The following TENT5B variants were observed in gnomAD, a reference collection of about 807,000 sequenced individuals.
TENT5B encodes the protein family with sequence similarity 46 member B.
Under a neutral mutation model 21.7 loss-of-function variants are expected in TENT5B, and 12 were observed. The ratio of observed to expected loss-of-function variants is 0.55; its 90% CI spans 0.36 to 0.90. TENT5B has a LOEUF of 0.90. Ranked by LOEUF, TENT5B falls within the 40% of genes least tolerant of loss-of-function variation. TENT5B has a pLI of 0.01. For synonymous variants in TENT5B, 262 were observed against 266.6 expected (o/e 0.98, Z 0.17); for missense variants, 540 against 601.5 (o/e 0.90, Z 1.07).
chr1:27,007,059 C>T, intron 1 of TENT5B, 102 bp from the exon 2 acceptor site: 3 of 953,674 alleles, frequency 3.1e-6, no homozygotes, highest in Non-Finnish European at 4.3e-6. Flanking sequence ...CTATTGGCCC[C>T]TAACCAGCTG....
Position 27,012,534 on chromosome 1 carries a change from C to A in TENT5B, c.137G>T (p.Gly46Val). The A allele has an allele frequency of 6.2e-7, 1 of 1,601,832 alleles. No homozygotes were observed. Residue 46 changes from glycine to valine, a missense_variant, in exon 1 of 2, where the codon GGA (glycine) becomes GTA (valine). Transcript: ENST00000289166. ...PDPEALSAFP[G>V]RHLSGLSWPQ... ...CCAGCTCAGCCCACTCAGGTGCCGT[C>A]CGGGGAAGGCCGATAAGGCCTCCGG... is the stretch of plus-strand genomic sequence containing the variant.
In TENT5B at chr1:27,005,814, C is replaced by G; in HGVS notation, c.*130G>C. 7.7e-7 allele frequency: 1 copy of G among 1,304,376 alleles called. No individual in the cohort carries two copies. The highest frequency in any genetic ancestry group is 2.5e-5 in the East Asian group (1 of 40,306). 80.8% of individuals were successfully genotyped at this position (1,304,376 alleles called of 1,614,324 possible). Reference sequence around the variant, plus strand: ...CTCGGGAAAGTCTGGTCTGTTCAATCAAAGGCCCAACCCTGCAGTGCTGGG... The same window carrying G: ...CTCGGGAAAGTCTGGTCTGTTCAATGAAAGGCCCAACCCTGCAGTGCTGGG... On this transcript the variant is annotated 3_prime_UTR_variant, in exon 2 of 2. Transcript: ENST00000289166.
intron 1 of TENT5B, among the ~76,000 whole-genome samples, chr1:27,007,791 C>A (rs1465570807): frequency 6.6e-6 from 1 of 152,184 alleles, no homozygotes; most frequent in Non-Finnish European, 1.5e-5. Flanking sequence ...GTTAGCAGTT[C>A]ACATTCATGA....
At chr1:27,008,138 A>G (rs750601974) in intron 1 of TENT5B, among the ~76,000 whole-genome samples, 2 of 152,158 alleles carry the variant, frequency 1.3e-5, no homozygotes, top group Non-Finnish European at 2.9e-5. Flanking sequence ...AGATAAACCT[A>G]TAAGTGGTCC....
chr1:27,008,974 C>CTTTTTTTT (rs1557703526), intron 1 of TENT5B, among the ~76,000 whole-genome samples: 2 of 106,368 alleles, frequency 1.9e-5, no homozygotes, highest in African/African-American at 7.9e-5. Context: ...TTCCTCCATC[C>CTTTTTTTT]TTCTTTTTTT....
intron 1 of TENT5B, among the ~76,000 whole-genome samples, chr1:27,011,623 G>A (rs2082623904): frequency 6.6e-6 from 1 of 152,224 alleles, no homozygotes; most frequent in South Asian, 2.1e-4. Context: ...AGATGAAAAA[G>A]CAGTCTTGGG....
intron 1 of TENT5B, among the ~76,000 whole-genome samples, 173 bp downstream of exon 1, chr1:27,012,234 A>G (rs890749855): frequency 6.6e-6 from 1 of 152,208 alleles, no homozygotes; most frequent in Non-Finnish European, 1.5e-5. Context: ...AAGGATTAGT[A>G]GATGCAGGGG....
Position 27,006,706 on chromosome 1 carries a change from T to C in TENT5B, c.516A>G (p.Ala172=). Residue 172 remains alanine, a synonymous_variant, in exon 2 of 2, where the codon GCA becomes GCG. Transcript: ENST00000289166. This position sits in a 1 kb window ranked among gnomAD's most constrained non-coding sequence, Gnocchi z 9.4. ...ACACTTTCACCAGCTTCTGCACGTA[T>C]GCCTCCTTGAGTGTCAGTGGCGTGA... ...AKITPLTLKE[A]YVQKLVKVCT... The C allele has an allele frequency of 6.2e-7, 1 of 1,614,168 alleles. No individual in the cohort carries two copies. The highest frequency in any genetic ancestry group is 8.5e-7 in the Non-Finnish European group (1 of 1,180,038).
chr1:27,005,444 G>A lies in TENT5B; in HGVS notation c.*500C>T, dbSNP rs1474690757. ...TTCCCTCCTCCCAGTGATTACCCAAGTTGGCCCATCAGGCCCTGTAGTGGC... is the reference window on the plus strand; with the variant it reads ...TTCCCTCCTCCCAGTGATTACCCAAATTGGCCCATCAGGCCCTGTAGTGGC... On this transcript the variant is annotated 3_prime_UTR_variant, in exon 2 of 2. Transcript: ENST00000289166. The A allele has an allele frequency of 6.5e-6, 1 of 154,316 alleles. No individual in the cohort carries two copies. Among genetic ancestry groups the A allele is most frequent in the Admixed American group, 6.5e-5 (1 of 15,382 alleles). 9.6% of individuals were successfully genotyped at this position (154,316 alleles called of 1,614,324 possible).
chr1:27,007,055 GC>G (rs2082603481), intron 1 of TENT5B, 98 bp from the exon 2 acceptor site: 2 of 803,014 alleles, frequency 2.5e-6, no homozygotes, highest in South Asian at 2.7e-5. Flanking sequence ...ACCACTATTG[GC>G]CCCTAACCAG....
At position 27,006,244 on chromosome 1, in the gene TENT5B, G is replaced by A; in HGVS notation, c.978C>T (p.Tyr326=). The part of the protein sequence containing the change: ...LVEQRRTLER[Y]LEAHFGGADA... ...CTGCCCCACCGAAGTGGGCCTCCAGGTAGCGCTCTAGGGTGCGCCGCTGCT... is the reference window on the plus strand; with the variant it reads ...CTGCCCCACCGAAGTGGGCCTCCAGATAGCGCTCTAGGGTGCGCCGCTGCT... Residue 326 remains tyrosine (Y), a synonymous_variant, in exon 2 of 2, where the codon TAC becomes TAT. Transcript: ENST00000289166. This position sits in a 1 kb window ranked among gnomAD's most constrained non-coding sequence, Gnocchi z 9.4. 1 of 1,612,370 alleles carries A rather than the reference G, an allele frequency of 6.2e-7. No individual in the cohort carries two copies. Among genetic ancestry groups the A allele is most frequent in the Non-Finnish European group, 8.5e-7 (1 of 1,179,662 alleles).
intron 1 of TENT5B, among the ~76,000 whole-genome samples, chr1:27,011,777 C>A (rs745690601): frequency 6.6e-6 from 1 of 152,180 alleles, no homozygotes; most frequent in Non-Finnish European, 1.5e-5. Flanking sequence ...AGAAGAAACA[C>A]CTAAATTGGT....
chr1:27,010,519 G>A (rs1442595516), intron 1 of TENT5B, among the ~76,000 whole-genome samples: 1 of 151,932 alleles, frequency 6.6e-6, no homozygotes, highest in East Asian at 1.9e-4. Flanking sequence ...CAGCTGTACA[G>A]ACCAGGTGAA....
chr1:27,009,688 G>T (rs74062574), intron 1 of TENT5B, among the ~76,000 whole-genome samples: 3 of 152,226 alleles, frequency 2.0e-5, no homozygotes, highest in African/African-American at 7.2e-5. Context: ...ATCCCATTAG[G>T]GCTGACTGAG....
At chr1:27,007,679 C>T (rs1450287338) in intron 1 of TENT5B, among the ~76,000 whole-genome samples, 9 of 152,116 alleles carry the variant, frequency 5.9e-5, no homozygotes, top group South Asian at 2.1e-4. Context: ...CCACCGCGCT[C>T]GGTGGTTTAA....
In TENT5B at chr1:27,006,752, G is replaced by A. The variant is rs749799085; in HGVS notation, c.470C>T (p.Ala157Val). 7.4e-6 allele frequency: 12 copies of A among 1,613,882 alleles called. No homozygotes were observed. In the Admixed American group the frequency reaches 2.0e-4, roughly 27 times the overall value. Residue 157 changes from alanine to valine, a missense_variant, in exon 2 of 2, where the codon GCC becomes GTC. By Grantham distance (64) the Ala-to-Val change is moderately conservative (BLOSUM62 0). Coordinates refer to ENST00000289166, the MANE Select transcript of TENT5B (RefSeq NM_052943.4). This position sits in a 1 kb window ranked among gnomAD's most constrained non-coding sequence, Gnocchi z 9.4. ...VLACLLDFLP[A>V]GVSRAKITPL... Reference sequence around the variant, plus strand: ...CGTGATCTTGGCCCGGCTCACACCGGCCGGCAGGAAGTCTAGTAGGCAGGC... The same window carrying A: ...CGTGATCTTGGCCCGGCTCACACCGACCGGCAGGAAGTCTAGTAGGCAGGC...
At chr1:27,012,092 C>T (rs1315301371) in intron 1 of TENT5B, among the ~76,000 whole-genome samples, 1 of 152,152 alleles carries the variant, frequency 6.6e-6, no homozygotes, top group Non-Finnish European at 1.5e-5. Flanking sequence ...CGTCTTTTGT[C>T]CTTGCAGGCA....
chr1:27,011,202 C>A (rs1299284485), intron 1 of TENT5B, among the ~76,000 whole-genome samples: 1 of 152,224 alleles, frequency 6.6e-6, no homozygotes, highest in Non-Finnish European at 1.5e-5. Flanking sequence ...CAAGGAGAAT[C>A]TGCCCCCGCC....
At chr1:27,009,211 C>T (rs189477086) in intron 1 of TENT5B, among the ~76,000 whole-genome samples, 1 of 151,938 alleles carries the variant, frequency 6.6e-6, no homozygotes, top group Non-Finnish European at 1.5e-5. Flanking sequence ...TCAAGCTATT[C>T]CCCTGCCTCA....
Sources: allele counts gnomAD v4.1 joint callset (sites outside exome capture counted in the v4.1 genomes callset), GRCh38; gene constraint gnomAD v4.1.1; non-coding constraint Gnocchi (gnomAD v3.1); transcripts MANE v1.5; gene names NCBI Gene and HGNC (gene_info 2026-07-23, HGNC 2026-07-21).